ITGB5: variants seen among roughly 807,000 people sequenced by gnomAD.
ITGB5 encodes the protein integrin subunit beta 5.
Under a neutral mutation model 84.8 loss-of-function variants are expected in ITGB5, and 38 were observed. That is an observed-to-expected ratio of 0.45 (90% CI 0.35 to 0.59). ITGB5 has a LOEUF of 0.59. Ranked by LOEUF, ITGB5 falls within the 20% of genes least tolerant of loss-of-function variation. The probability of loss-of-function intolerance (pLI) is 0.01; values close to 1 mark genes in which losing one functional copy is unlikely to be tolerated. For missense variants in ITGB5, 905 were observed against 1,034.5 expected (o/e 0.87, Z 1.72); for synonymous variants, 393 against 414.4 (o/e 0.95, Z 0.63).
chr3:124,825,311 T>C (rs2064770265), intron 5 of ITGB5, among the ~76,000 whole-genome samples: 1 of 152,180 alleles, frequency 6.6e-6, no homozygotes, highest in South Asian at 2.1e-4. Context: ...AAGTTACATA[T>C]ACACTTACTA....
chr3:124,764,995 C>T (rs749075259), intron 13 of ITGB5, among the ~76,000 whole-genome samples: 7 of 152,156 alleles, frequency 4.6e-5, no homozygotes, highest in Non-Finnish European at 7.3e-5. Flanking sequence ...GCGTGGTGTC[C>T]CTTGGAGTAA....
intron 12 of ITGB5, 46 bp downstream of exon 12, chr3:124,768,967 G>A (rs773915359): frequency 2.0e-6 from 3 of 1,491,238 alleles, no homozygotes; most frequent in South Asian, 2.3e-5. Flanking sequence ...CTCCTCCCCA[G>A]GAAGGAGAAA....
At chr3:124,788,083 A>G (rs909693703) in intron 10 of ITGB5, among the ~76,000 whole-genome samples, 1 of 151,890 alleles carries the variant, frequency 6.6e-6, no homozygotes, top group Non-Finnish European at 1.5e-5. Flanking sequence ...AATTTTTTGT[A>G]GAGACGGGGC....
chr3:124,847,191 T>A (rs1231450896), intron 4 of ITGB5, among the ~76,000 whole-genome samples: 1 of 152,206 alleles, frequency 6.6e-6, no homozygotes, highest in Admixed American at 6.5e-5. Context: ...TCCTATCTCA[T>A]GACTAGTTTT....
At chr3:124,775,384 T>G (rs2063911686) in intron 10 of ITGB5, among the ~76,000 whole-genome samples, 2 of 151,322 alleles carry the variant, frequency 1.3e-5, no homozygotes, top group South Asian at 4.2e-4. Context: ...CTGTGTGTGT[T>G]GGAGTGTGTG....
chr3:124,764,166 C>A (rs1479951204), intron 14 of ITGB5, among the ~76,000 whole-genome samples: 2 of 152,212 alleles, frequency 1.3e-5, no homozygotes, highest in East Asian at 3.9e-4. Context: ...GCCTCTGCCC[C>A]CATGACCTTC....
In ITGB5 at chr3:124,809,011, G is replaced by A. The variant is rs1330061567; in HGVS notation, c.1263+11C>T. 1 of 1,613,386 alleles carries A rather than the reference G, an allele frequency of 6.2e-7. No homozygotes were observed. The highest frequency in any genetic ancestry group is 1.1e-5 in the South Asian group (1 of 90,954). ...TAACAAGAGTTCATACAAACTTGGG[G>A]TGAGACTTACCGTGTCCCCAATCTT... is the stretch of plus-strand genomic sequence containing the variant. On this transcript the variant is annotated intron_variant, in intron 9 of 14. Transcript: ENST00000296181.
chr3:124,818,855 G>A (rs887519645), intron 7 of ITGB5, among the ~76,000 whole-genome samples: 23 of 152,134 alleles, frequency 1.5e-4, no homozygotes, highest in African/African-American at 5.6e-4. Context: ...ATCAGACAAA[G>A]GTTCTTTTGT....
chr3:124,869,314 G>A (rs1412604308), intron 2 of ITGB5, among the ~76,000 whole-genome samples: 7 of 152,298 alleles, frequency 4.6e-5, no homozygotes, highest in African/African-American at 9.6e-5. Flanking sequence ...GTTGGCTCAC[G>A]CCTGTAATCC....
intron 1 of ITGB5, among the ~76,000 whole-genome samples, chr3:124,900,702 G>A (rs142165628): frequency 5.3e-4 from 81 of 152,186 alleles, no homozygotes; most frequent in African/African-American, 1.7e-3. Context: ...TGGAGTTCTC[G>A]GAGAACCCTC....
At chr3:124,841,949 C>T (rs969626886) in intron 4 of ITGB5, among the ~76,000 whole-genome samples, 10 of 152,176 alleles carry the variant, frequency 6.6e-5, no homozygotes, top group African/African-American at 1.9e-4. Context: ...GGATGATGCC[C>T]AGTGAGGGCA....
intron 8 of ITGB5, among the ~76,000 whole-genome samples, chr3:124,816,941 A>G (rs1042858303): frequency 6.6e-6 from 1 of 152,236 alleles, no homozygotes; most frequent in Non-Finnish European, 1.5e-5. Context: ...TTCTTTGGCC[A>G]GGCATGATGG....
chr3:124,784,325 T>G (rs1280650726), intron 10 of ITGB5, among the ~76,000 whole-genome samples: 1 of 151,834 alleles, frequency 6.6e-6, no homozygotes, highest in Non-Finnish European at 1.5e-5. Flanking sequence ...GGCAAAACAG[T>G]GAGACCCCAT....
At chr3:124,868,138 G>T (rs1009326668) in intron 2 of ITGB5, among the ~76,000 whole-genome samples, 2 of 152,286 alleles carry the variant, frequency 1.3e-5, no homozygotes, top group African/African-American at 4.8e-5. Context: ...CACCACGGTT[G>T]TAAGTTTCCT....
chr3:124,807,370 C>T (rs62265641), intron 9 of ITGB5, among the ~76,000 whole-genome samples: 13,674 of 152,162 alleles, frequency 0.09, 813 homozygotes, highest in South Asian at 0.2. Flanking sequence ...GAGCCGAGAT[C>T]GTGCCACGGC....
chr3:124,779,935 G>A (rs2063979253), intron 10 of ITGB5, among the ~76,000 whole-genome samples: 2 of 152,138 alleles, frequency 1.3e-5, no homozygotes, highest in African/African-American at 2.4e-5. Context: ...ATGCCCAGTC[G>A]GAAGCAAGAA....
At chr3:124,882,628 G>A (rs1934626409) in intron 1 of ITGB5, among the ~76,000 whole-genome samples, 1 of 152,210 alleles carries the variant, frequency 6.6e-6, no homozygotes, top group African/African-American at 2.4e-5. Flanking sequence ...GAGCCTGGCA[G>A]GACTCTGGGA....
rs2063886052 is a variant in ITGB5 at position 124,773,920 on chromosome 3, G to C, written c.1694-8C>G. The C allele has an allele frequency of 6.2e-7, 1 of 1,613,294 alleles. No individual in the cohort carries two copies. Among genetic ancestry groups the C allele is most frequent in the African/African-American group, 1.3e-5 (1 of 75,034 alleles). On this transcript the variant is annotated splice_polypyrimidine_tract_variant and splice_region_variant and intron_variant, in intron 10 of 14. Transcript: ENST00000296181. ...AGTGACACTCGCCATGGCCTAAAAG[G>C]ATACATGTGGCACATCAGCACCTGC... is the stretch of plus-strand genomic sequence containing the variant.
At chr3:124,847,960 A>C (rs2065099795) in intron 4 of ITGB5, among the ~76,000 whole-genome samples, 1 of 152,178 alleles carries the variant, frequency 6.6e-6, no homozygotes, top group African/African-American at 2.4e-5. Flanking sequence ...ACTACAAGCA[A>C]GGGGAAAGTT....
Sources: gnomAD v4.1 joint callset for allele counts (sites outside exome capture counted in the v4.1 genomes callset) on GRCh38, gnomAD v4.1.1 for gene constraint, MANE v1.5 for transcripts, NCBI Gene and HGNC (gene_info 2026-07-23, HGNC 2026-07-21) for gene names.